PRDM5: variants seen among roughly 807,000 people sequenced by gnomAD.
The protein encoded by PRDM5 is PR domain zinc finger protein 5.
Under a neutral mutation model 81.2 loss-of-function variants are expected in PRDM5, and 56 were observed. The observed-to-expected ratio is 0.69, with a 90% confidence interval of 0.56 to 0.86. The LOEUF is 0.86. Ranked by LOEUF, PRDM5 falls within the 40% of genes least tolerant of loss-of-function variation. The pLI is 0.00. For synonymous variants in PRDM5, 267 were observed against 256.4 expected (o/e 1.04, Z -0.39); for missense variants, 697 against 770.1 (o/e 0.91, Z 1.12).
At chr4:120,768,343 T>C (rs1316561133) in intron 13 of PRDM5, among the ~76,000 whole-genome samples, 2 of 152,168 alleles carry the variant, frequency 1.3e-5, no homozygotes, top group Admixed American at 6.6e-5. Flanking sequence ...TGCTTCCTCA[T>C]CTAGAAAATG....
chr4:120,753,246 A>G lies in PRDM5; in HGVS notation c.1623+1307T>C, dbSNP rs561718514. Among the ~76,000 whole-genome samples, 31 of 152,320 alleles carry G rather than the reference A, an allele frequency of 2.0e-4. No individual in the cohort carries two copies. The East Asian group carries it at 2.9e-3, about 14-fold the overall frequency. On this transcript the variant is annotated intron_variant, in intron 14 of 15. Coordinates refer to ENST00000264808, the MANE Select transcript of PRDM5 (RefSeq NM_018699.4). ...AAAATAACCTCCTAATCTCAAGCTA[A>G]TTTAAACCTCTTTCATAATACTCAT...
At chr4:120,708,495 T>C (rs1200297929) in intron 15 of PRDM5, among the ~76,000 whole-genome samples, 3 of 151,874 alleles carry the variant, frequency 2.0e-5, no homozygotes, top group Admixed American at 1.3e-4. Flanking sequence ...GGGAGTGAGG[T>C]GTAAATGTTT....
At chr4:120,861,197 G>A (rs1760532510) in intron 2 of PRDM5, among the ~76,000 whole-genome samples, 2 of 151,968 alleles carry the variant, frequency 1.3e-5, no homozygotes, top group African/African-American at 4.8e-5. Flanking sequence ...TGGTAAAGAT[G>A]GGGTTTTGCC....
At chr4:120,856,459 C>T (rs992699324) in intron 2 of PRDM5, among the ~76,000 whole-genome samples, 6 of 152,168 alleles carry the variant, frequency 3.9e-5, no homozygotes, top group African/African-American at 1.4e-4. Context: ...TGGGGCCTGC[C>T]TGTTTTCTCC....
downstream of PRDM5, among the ~76,000 whole-genome samples, chr4:120,689,860 C>T (rs905810622): frequency 5.9e-5 from 9 of 152,110 alleles, no homozygotes; most frequent in African/African-American, 2.2e-4. Flanking sequence ...AGTGATCTGC[C>T]TAACTTGGCC....
At chr4:120,871,170 C>G (rs753504299) in intron 2 of PRDM5, among the ~76,000 whole-genome samples, 1 of 152,206 alleles carries the variant, frequency 6.6e-6, no homozygotes, top group Non-Finnish European at 1.5e-5. Context: ...TAGAAACACA[C>G]TTCTCTCTAG....
intron 2 of PRDM5, among the ~76,000 whole-genome samples, chr4:120,887,285 C>T (rs1016607041): frequency 1.4e-5 from 2 of 148,004 alleles, no homozygotes; most frequent in Non-Finnish European, 3.0e-5. Context: ...CAAGCCCCAT[C>T]AGTGTTAGTT....
At chr4:120,733,900 A>AC (rs1029137098) in intron 14 of PRDM5, among the ~76,000 whole-genome samples, 5 of 152,036 alleles carry the variant, frequency 3.3e-5, no homozygotes, top group African/African-American at 9.6e-5. Context: ...AGTAAAAAAA[A>AC]AAAAAAACAA....
At chr4:120,770,640 T>C (rs1450292816) in intron 13 of PRDM5, among the ~76,000 whole-genome samples, 1 of 152,228 alleles carries the variant, frequency 6.6e-6, no homozygotes, top group Middle Eastern at 3.4e-3. Context: ...AAAAAGGTTG[T>C]GTCCAGCCTG....
chr4:120,706,096 T>A (rs1736079714), intron 15 of PRDM5, among the ~76,000 whole-genome samples: 2 of 151,992 alleles, frequency 1.3e-5, no homozygotes, highest in South Asian at 4.1e-4. Flanking sequence ...TTTTTTTTTT[T>A]TTTTTTCTTT....
chr4:120,717,921 T>C (rs377493171), intron 14 of PRDM5, among the ~76,000 whole-genome samples: 1,431 of 64,058 alleles, frequency 0.022, 19 homozygotes, highest in African/African-American at 0.054. Context: ...AGAATGATGC[T>C]TAATAGTTCT....
At chr4:120,878,775 T>C (rs768353502) in intron 2 of PRDM5, among the ~76,000 whole-genome samples, 9 of 151,910 alleles carry the variant, frequency 5.9e-5, no homozygotes, top group Non-Finnish European at 1.3e-4. Context: ...CAAATAAGTA[T>C]AGGAAAAACA....
intron 13 of PRDM5, among the ~76,000 whole-genome samples, chr4:120,756,387 A>G (rs954175293): frequency 6.6e-6 from 1 of 152,224 alleles, no homozygotes; most frequent in Non-Finnish European, 1.5e-5. Context: ...TAGCAAATTA[A>G]AAACTTGGGA....
Position 120,798,334 on chromosome 4 carries a change from T to C in PRDM5, c.1121A>G (p.Lys374Arg), listed in dbSNP as rs755729936. ...TCCACAAAGTTTGCATTTGTAAGGTTTGTCTTCGCTGTGTATTACTTTGTG... is the reference window on the plus strand; with the variant it reads ...TCCACAAAGTTTGCATTTGTAAGGTCTGTCTTCGCTGTGTATTACTTTGTG... Reference protein sequence around the residue: ...GAHKVIHSEDKPYKCKLCGKG... With the variant: ...GAHKVIHSEDRPYKCKLCGKG... Residue 374 changes from lysine to arginine, a missense_variant, in exon 10 of 16, where the codon AAA (lysine) becomes AGA (arginine). Physicochemically the swap from Lys to Arg is conservative, Grantham distance 26. Around this residue, in one of 3 missense-constraint regions of PRDM5, gnomAD observed 577 missense variants for 606.7 expected, o/e 0.95. Transcript: ENST00000264808. The C allele has an allele frequency of 6.8e-6, 11 of 1,613,086 alleles. No individual in the cohort carries two copies. In the South Asian group the frequency reaches 1.2e-4, roughly 18 times the overall value.
At chr4:120,684,767 C>T (rs573401017), downstream of PRDM5, among the ~76,000 whole-genome samples, 1 of 151,832 alleles carries the variant, frequency 6.6e-6, no homozygotes, top group African/African-American at 2.4e-5. Flanking sequence ...AGAATAATTA[C>T]ATGAATAATT....
chr4:120,774,916 A>ATATGTATATGTG (rs1376758859), intron 13 of PRDM5, among the ~76,000 whole-genome samples: 1 of 147,036 alleles, frequency 6.8e-6, no homozygotes, highest in Admixed American at 6.8e-5. Flanking sequence ...ATGTATATGT[A>ATATGTATATGTG]TATGTATATA....
At chr4:120,897,688 T>C (rs995582151) in intron 2 of PRDM5, among the ~76,000 whole-genome samples, 10 of 152,238 alleles carry the variant, frequency 6.6e-5, no homozygotes, top group Admixed American at 5.2e-4. Context: ...TTCTTTTCCT[T>C]TTCATTCATT....
chr4:120,798,415 G>A lies in PRDM5; in HGVS notation c.1040C>T (p.Pro347Leu). Residue 347 changes from proline to leucine, a missense_variant, in exon 10 of 16, where the codon CCC (proline) becomes CTC (leucine). By Grantham distance (98) the Pro-to-Leu change is moderately conservative. Around this residue, in one of 3 missense-constraint regions of PRDM5, gnomAD observed 577 missense variants for 606.7 expected, o/e 0.95. Transcript: ENST00000264808. ...CTTATTACAAATCTCGCAATTATAG[G>A]GTCGTTTTTCTATTAAAAAAATGAG... ...RHMITHSEKR[P>L]YNCEICNKSF... 4 of 1,604,328 alleles carry A rather than the reference G, an allele frequency of 2.5e-6. No homozygotes were observed. Among genetic ancestry groups the A allele is most frequent in the Non-Finnish European group, 3.4e-6 (4 of 1,173,372 alleles).
At chr4:120,829,493 G>A (rs1460653656) in intron 3 of PRDM5, among the ~76,000 whole-genome samples, 2 of 152,076 alleles carry the variant, frequency 1.3e-5, no homozygotes, top group East Asian at 3.8e-4. Context: ...TCATGCATCT[G>A]AGGTTCAGTT....
Sources: gnomAD v4.1 joint callset for allele counts (sites outside exome capture counted in the v4.1 genomes callset) on GRCh38, gnomAD v4.1.1 for gene constraint, gnomAD v4.1.1 regional missense constraint, MANE v1.5 for transcripts, NCBI Gene and HGNC (gene_info 2026-07-23, HGNC 2026-07-21) for gene names.